Variants in CLVS1 observed in about 807,000 individuals in gnomAD.
CLVS1 encodes the protein clavesin 1.
CLVS1 carries 10 observed loss-of-function variants against 33.1 expected under a neutral mutation model. The ratio of observed to expected loss-of-function variants is 0.30; its 90% CI spans 0.19 to 0.51. The LOEUF (loss-of-function observed/expected upper bound fraction) is 0.51, where lower values mean the gene tolerates loss of function less well. CLVS1 is among the 20% of genes least tolerant of loss of function. The pLI is 0.97. For missense variants in CLVS1, 343 were observed against 433.4 expected, an observed-to-expected ratio of 0.79 and a Z score of 1.85; for synonymous variants, 163 against 166.1, an observed-to-expected ratio of 0.98 and a Z score of 0.14.
At chr8:61,190,327 A>G (rs1807442624) in intron 2 of CLVS1, among the ~76,000 whole-genome samples, 1 of 152,226 alleles carries the variant, frequency 6.6e-6, no homozygotes, top group Admixed American at 6.5e-5. Flanking sequence ...GAAACCAATG[A>G]GAACAAACAC....
rs527292543 is a variant in CLVS1 at position 61,160,486 on chromosome 8, C to T, written c.-152+28626C>T. Among the ~76,000 whole-genome samples, 6 of 152,308 alleles carry T rather than the reference C, an allele frequency of 3.9e-5. No individual in the cohort carries two copies. The South Asian group carries it at 6.2e-4, about 16-fold the overall frequency. ...CCAGGGGAACTTGCAGTCAAGACTGCAGGAGCAGAAGGAAAATGGAAAAAG... is the reference window on the plus strand; with the variant it reads ...CCAGGGGAACTTGCAGTCAAGACTGTAGGAGCAGAAGGAAAATGGAAAAAG... On this transcript the variant is annotated intron_variant, in intron 2 of 2. Coordinates refer to the CLVS1 transcript ENST00000522621.
intron 2 of CLVS1, among the ~76,000 whole-genome samples, chr8:61,367,869 T>G (rs1813276810): frequency 6.6e-6 from 1 of 152,260 alleles, no homozygotes; most frequent in Admixed American, 6.5e-5. Context: ...AATTACTTTT[T>G]TCTCTTTGTG....
At chr8:61,360,844 A>T (rs1252138699) in intron 2 of CLVS1, among the ~76,000 whole-genome samples, 1 of 151,980 alleles carries the variant, frequency 6.6e-6, no homozygotes, top group Non-Finnish European at 1.5e-5. Flanking sequence ...TCTCTAAGAG[A>T]TGTTGTATTA....
At chr8:61,330,413 A>G (rs1321879218) in intron 2 of CLVS1, among the ~76,000 whole-genome samples, 1 of 152,218 alleles carries the variant, frequency 6.6e-6, no homozygotes, top group Non-Finnish European at 1.5e-5. Flanking sequence ...TTGTATTCTA[A>G]TGGGGGACGT....
intron 3 of CLVS1, among the ~76,000 whole-genome samples, chr8:61,450,002 G>C (rs1449636972): frequency 6.6e-6 from 1 of 152,172 alleles, no homozygotes; most frequent in African/African-American, 2.4e-5. Flanking sequence ...AGTTACCACT[G>C]TACATGCAGA....
chr8:61,101,807 G>GTT (rs35834045), intron 1 of CLVS1, among the ~76,000 whole-genome samples: 29,885 of 147,132 alleles, frequency 0.2, 3,139 homozygotes, highest in South Asian at 0.25. Context: ...AGGAGTCCAA[G>GTT]TTTTTTTTTT....
At chr8:61,035,898 A>T in the CLVS1 span, among the ~76,000 whole-genome samples, 23 of 152,344 alleles carry the variant, frequency 1.5e-4, no homozygotes, top group South Asian at 3.9e-3. Context: ...ATTTATCTGA[A>T]TAAATTTCAA....
chr8:61,202,999 C>A, intron 2 of CLVS1: 1 of 1,403,850 alleles, frequency 7.1e-7, no homozygotes, highest in Admixed American at 1.7e-5. Flanking sequence ...ACCATCAACA[C>A]CAAGATCAAA....
At chr8:61,146,341 T>G (rs1585642676) in intron 2 of CLVS1, among the ~76,000 whole-genome samples, 1 of 152,330 alleles carries the variant, frequency 6.6e-6, no homozygotes, top group South Asian at 2.1e-4. Flanking sequence ...AAGGATTAAA[T>G]GGGGTTCTAG....
intron 2 of CLVS1, among the ~76,000 whole-genome samples, chr8:61,154,251 A>G (rs1285565088): frequency 1.3e-5 from 2 of 150,622 alleles, no homozygotes; most frequent in African/African-American, 2.4e-5. Context: ...CTGGTGGAGC[A>G]TGGTATTTTA....
In CLVS1 at chr8:61,405,597, G is replaced by A. The variant is rs182157787; in HGVS notation, c.630+28818G>A. Among the ~76,000 whole-genome samples the A allele has an allele frequency of 8.0e-4, 121 of 152,122 alleles. 1 individual carries two copies. Among genetic ancestry groups the A allele is most frequent in the Admixed American group, 7.7e-3 (118 of 15,278 alleles). ...GAGACCTGCCTAAGTAACATAACAGGGCCCCTCTACAAAACATAATAAATA... is the reference window on the plus strand; with the variant it reads ...GAGACCTGCCTAAGTAACATAACAGAGCCCCTCTACAAAACATAATAAATA... On this transcript the variant is annotated intron_variant, in intron 3 of 5. Transcript: ENST00000325897.
intron 3 of CLVS1, among the ~76,000 whole-genome samples, chr8:61,411,543 T>C (rs1055046878): frequency 2.6e-5 from 4 of 152,162 alleles, no homozygotes; most frequent in African/African-American, 9.7e-5. Flanking sequence ...TCAAAAACCC[T>C]ATGCCGAGGC....
chr8:61,164,728 T>C (rs1365786577), intron 2 of CLVS1, among the ~76,000 whole-genome samples: 1 of 152,170 alleles, frequency 6.6e-6, no homozygotes, highest in Non-Finnish European at 1.5e-5. Flanking sequence ...GTTTTCTCTT[T>C]GTTGGAATCC....
At chr8:61,298,861 C>G (rs1481976361) in intron 1 of CLVS1, among the ~76,000 whole-genome samples, 1 of 152,124 alleles carries the variant, frequency 6.6e-6, no homozygotes, top group Non-Finnish European at 1.5e-5. Flanking sequence ...ATAAGTAAAA[C>G]AGCATCTTAG....
the CLVS1 span, among the ~76,000 whole-genome samples, chr8:60,976,787 G>T: frequency 6.6e-6 from 1 of 152,240 alleles, no homozygotes; most frequent in Non-Finnish European, 1.5e-5. Flanking sequence ...CTTGCCATGG[G>T]GGCGGTGGTA....
chr8:61,023,799 A>G, the CLVS1 span, among the ~76,000 whole-genome samples: 46 of 152,194 alleles, frequency 3.0e-4, no homozygotes, highest in Non-Finnish European at 8.8e-5. Flanking sequence ...CATCAGAGAC[A>G]GGACAGAGCT....
chr8:61,277,412 G>A (rs974077748), intron 2 of CLVS1, among the ~76,000 whole-genome samples: 12 of 152,196 alleles, frequency 7.9e-5, no homozygotes, highest in African/African-American at 2.9e-4. Flanking sequence ...TCGGGGTCAG[G>A]TCAGATGAGC....
chr8:61,418,743 G>T (rs1815539701), intron 3 of CLVS1, among the ~76,000 whole-genome samples: 1 of 152,194 alleles, frequency 6.6e-6, no homozygotes, highest in Admixed American at 6.5e-5. Context: ...CAGGTAGCTT[G>T]GAATTAGGTC....
chr8:61,365,776 C>CGTGTGTGT (rs112942345), intron 2 of CLVS1, among the ~76,000 whole-genome samples: 1 of 110,588 alleles, frequency 9.0e-6, no homozygotes, highest in Non-Finnish European at 2.2e-5. Context: ...TGTGTGTGTG[C>CGTGTGTGT]GTGTGTGTGT....
Sources: allele counts gnomAD v4.1 joint callset (sites outside exome capture counted in the v4.1 genomes callset), GRCh38; gene constraint gnomAD v4.1.1; transcripts MANE v1.5; gene names NCBI Gene and HGNC (gene_info 2026-07-23, HGNC 2026-07-21).